Variants in PIK3C2G observed in about 807,000 individuals in gnomAD.
PIK3C2G encodes phosphatidylinositol-4-phosphate 3-kinase catalytic subunit type 2 gamma.
In PIK3C2G, 168 loss-of-function variants were observed where a neutral mutation model predicts 181.1. That is an observed-to-expected ratio of 0.93 (90% confidence interval 0.82 to 1.05). The LOEUF (loss-of-function observed/expected upper bound fraction) is 1.05. Among genes scored for constraint, PIK3C2G ranks in the 50% least tolerant of loss-of-function variants. PIK3C2G has a pLI of 0.00. For synonymous variants in PIK3C2G, 573 were observed against 592.2 expected, an observed-to-expected ratio of 0.97 and a Z score of 0.47; for missense variants, 1,869 against 1,732.8, an observed-to-expected ratio of 1.08 and a Z score of -1.40.
chr12:18,251,381 G>C (rs1209844530), intron 1 of PIK3C2G, among the ~76,000 whole-genome samples: 1 of 151,748 alleles, frequency 6.6e-6, no homozygotes, highest in Admixed American at 6.6e-5. Flanking sequence ...TTGTCTATTT[G>C]AGCCTTGTTG....
chr12:18,559,106 T>A (rs1945160433), intron 26 of PIK3C2G, among the ~76,000 whole-genome samples: 1 of 152,200 alleles, frequency 6.6e-6, no homozygotes, highest in Non-Finnish European at 1.5e-5. Flanking sequence ...CAGTGGTTAT[T>A]TCTGGGGAGG....
At chr12:18,284,295 T>A (rs1949349415) in intron 2 of PIK3C2G, among the ~76,000 whole-genome samples, 1 of 151,680 alleles carries the variant, frequency 6.6e-6, no homozygotes, top group South Asian at 2.1e-4. Flanking sequence ...GTCTTAAGAG[T>A]AAAACTCATG....
At chr12:18,338,854 T>A (rs1277674644) in intron 9 of PIK3C2G, among the ~76,000 whole-genome samples, 1 of 152,074 alleles carries the variant, frequency 6.6e-6, no homozygotes, top group African/African-American at 2.4e-5. Context: ...GATATTGTAA[T>A]CAATCCTACA....
Position 18,443,179 on chromosome 12 carries a change from G to A in PIK3C2G, c.2504+19140G>A, listed in dbSNP as rs11044118. The stretch of plus-strand genomic sequence containing the variant: ...AGCCACCATGCCCAGCCTAATATCC[G>A]ACTTTTTATTCCAGAATGATTACCT... On this transcript the variant is annotated intron_variant, in intron 18 of 32. Coordinates refer to ENST00000538779, the MANE Select transcript of PIK3C2G (RefSeq NM_001288772.2). Among the ~76,000 whole-genome samples the A allele has an allele frequency of 3.8e-4, 58 of 151,844 alleles. 1 individual carries two copies. The highest frequency in any genetic ancestry group is 7.7e-4 in the Non-Finnish European group (52 of 67,930).
At chr12:18,491,058 C>A (rs1051869952) in intron 19 of PIK3C2G, among the ~76,000 whole-genome samples, 2 of 152,114 alleles carry the variant, frequency 1.3e-5, no homozygotes, top group East Asian at 3.9e-4. Flanking sequence ...TTGAGAGTCA[C>A]AAACTCAGAT....
At chr12:18,442,407 AAAG>A (rs143704332) in intron 18 of PIK3C2G, among the ~76,000 whole-genome samples, 37,746 of 151,990 alleles carry the variant, frequency 0.25, 5,046 homozygotes, top group Admixed American at 0.35. Context: ...TCAAATCTGA[AAAG>A]AACATTTATA....
At chr12:18,658,772 A>G in the PIK3C2G span, among the ~76,000 whole-genome samples, 1 of 152,284 alleles carries the variant, frequency 6.6e-6, no homozygotes, top group East Asian at 1.9e-4. Flanking sequence ...GAGAGTAAAA[A>G]GGGAGAGAAT....
chr12:18,725,676 AT>A, the PIK3C2G span, among the ~76,000 whole-genome samples: 2 of 152,128 alleles, frequency 1.3e-5, no homozygotes, highest in African/African-American at 4.8e-5. Flanking sequence ...TTCTGCTCTT[AT>A]CTTTTTCCTC....
At chr12:18,370,327 A>G (rs1190261703) in intron 12 of PIK3C2G, among the ~76,000 whole-genome samples, 4 of 152,190 alleles carry the variant, frequency 2.6e-5, no homozygotes, top group Non-Finnish European at 4.4e-5. Context: ...TTTTCTCATC[A>G]TTAAAAATCC....
chr12:18,411,239 A>G (rs1023615400), intron 16 of PIK3C2G, among the ~76,000 whole-genome samples: 1 of 152,180 alleles, frequency 6.6e-6, no homozygotes, highest in Non-Finnish European at 1.5e-5. Context: ...AGTCAAAAAA[A>G]TGAAAAGTCC....
At chr12:18,504,819 A>G (rs1233858425) in intron 23 of PIK3C2G, among the ~76,000 whole-genome samples, 1 of 152,230 alleles carries the variant, frequency 6.6e-6, no homozygotes, top group Non-Finnish European at 1.5e-5. Context: ...GTAAAAATAC[A>G]CATAAAATGT....
chr12:18,683,377 C>T, the PIK3C2G span: 3 of 1,558,216 alleles, frequency 1.9e-6, no homozygotes, highest in Non-Finnish European at 2.7e-6. Flanking sequence ...TCAGTGGTGT[C>T]TCCAATAGCC....
intron 1 of PIK3C2G, among the ~76,000 whole-genome samples, chr12:18,249,193 T>C (rs1424167771): frequency 2.6e-5 from 4 of 152,204 alleles, no homozygotes; most frequent in Admixed American, 1.3e-4. Flanking sequence ...AGGTGACTGA[T>C]ATTTTAAGAA....
chr12:18,305,109 T>C (rs976352956), intron 5 of PIK3C2G, among the ~76,000 whole-genome samples: 1 of 152,190 alleles, frequency 6.6e-6, no homozygotes, highest in Non-Finnish European at 1.5e-5. Context: ...TTAACTTTGG[T>C]TTACATCTTC....
chr12:18,648,790 G>C (rs1171076242), downstream of PIK3C2G, among the ~76,000 whole-genome samples: 1 of 152,018 alleles, frequency 6.6e-6, no homozygotes, highest in Admixed American at 6.6e-5. Flanking sequence ...CATTACCAGG[G>C]CAAACAATCC....
chr12:18,590,416 A>G (rs1302622249), intron 29 of PIK3C2G, among the ~76,000 whole-genome samples: 1 of 151,870 alleles, frequency 6.6e-6, no homozygotes, highest in African/African-American at 2.4e-5. Context: ...TTGTATGGGT[A>G]CCCTCTGTTT....
At chr12:18,288,371 G>C (rs1051734491) in intron 3 of PIK3C2G, among the ~76,000 whole-genome samples, 1 of 152,048 alleles carries the variant, frequency 6.6e-6, no homozygotes, top group Admixed American at 6.6e-5. Context: ...GCTTATGCAT[G>C]AGAGATACTC....
chr12:18,705,141 T>G, the PIK3C2G span: 1 of 1,612,834 alleles, frequency 6.2e-7, no homozygotes. Context: ...TTTCTTAACC[T>G]GAGTTTCTCA....
At chr12:18,346,609 T>TA in intron 10 of PIK3C2G, 32 bp from the exon 11 acceptor site, 3 of 1,364,982 alleles carry the variant, frequency 2.2e-6, no homozygotes, top group Non-Finnish European at 2.1e-6. Context: ...TGGCCCTTCT[T>TA]AGTGACTTGA....
Sources: allele counts gnomAD v4.1 joint callset (sites outside exome capture counted in the v4.1 genomes callset), GRCh38; gene constraint gnomAD v4.1.1; transcripts MANE v1.5; gene names NCBI Gene and HGNC (gene_info 2026-07-23, HGNC 2026-07-21).